Variants in P4HTM observed in about 807,000 individuals in gnomAD.
The protein encoded by P4HTM is prolyl 4-hydroxylase, transmembrane.
A neutral mutation model predicts 55.3 loss-of-function variants in P4HTM; 33 were observed. The ratio of observed to expected loss-of-function variants is 0.60; its 90% confidence interval spans 0.45 to 0.80. The LOEUF (loss-of-function observed/expected upper bound fraction) is 0.80. Ranked by LOEUF, P4HTM falls within the 30% of genes least tolerant of loss-of-function variation. The pLI is 0.00. For missense variants in P4HTM, 542 were observed against 696.5 expected (o/e 0.78, Z 2.50); for synonymous variants, 272 against 286.4 (o/e 0.95, Z 0.51).
At chr3:49,003,873 T>C in intron 4 of P4HTM, 2 of 518,056 alleles carry the variant, frequency 3.9e-6, no homozygotes, top group Admixed American at 3.6e-5. Context: ...AAATTAGGGC[T>C]TAAACTGAGA....
Position 49,004,610 on chromosome 3 carries a change from G to A in P4HTM, c.888-251G>A, listed in dbSNP as rs894551639. ...AGGGAGGAGGACCTCAGGACTCCCC[G>A]CCCCCTTTATTTAGTGGAAATGTCA... On this transcript the variant is annotated intron_variant, in intron 5 of 8. Transcript: ENST00000383729. 1.4e-5 allele frequency: 8 copies of A among 573,174 alleles called. No individual in the cohort carries two copies. In the Admixed American group the frequency reaches 1.6e-4, roughly 12 times the overall value. 35.5% of individuals were successfully genotyped at this position (573,174 alleles called of 1,614,324 possible).
intron 2 of P4HTM, chr3:48,992,146 A>T (rs2092932710): frequency 6.6e-6 from 1 of 152,214 alleles, no homozygotes; most frequent in South Asian, 2.1e-4. Context: ...CACAGCATTG[A>T]ACTAAATATA....
At chr3:48,992,696 T>C (rs1470368934) in intron 2 of P4HTM, among the ~76,000 whole-genome samples, 7 of 138,214 alleles carry the variant, frequency 5.1e-5, no homozygotes, top group Non-Finnish European at 1.5e-5. Flanking sequence ...ACTAAGTTTC[T>C]CTCTTGTTGT....
intron 8 of P4HTM, 27 bp downstream of exon 8, chr3:49,006,214 G>A: frequency 6.3e-7 from 1 of 1,599,160 alleles, no homozygotes; most frequent in African/African-American, 1.3e-5. Flanking sequence ...AGGCCTGGGG[G>A]GGGTGCCCTG....
At chr3:49,005,635 G>T (rs1271403928) in intron 6 of P4HTM, 142 bp from the exon 7 acceptor site, 1 of 1,426,636 alleles carries the variant, frequency 7.0e-7, no homozygotes, top group Admixed American at 2.7e-5. Flanking sequence ...GGACATTTTG[G>T]CACTGGCCTG....
At position 49,005,514 on chromosome 3, in the gene P4HTM, G is replaced by A. The variant is rs1049937493; in HGVS notation, c.1074-263G>A. The A allele has an allele frequency of 4.5e-6, 6 of 1,341,688 alleles. No individual in the cohort carries two copies. In the Admixed American group the frequency reaches 1.4e-4, roughly 32 times the overall value. The allele number at this position is 1,341,688 out of a possible 1,614,324, so 83.1% of individuals were successfully genotyped here. ...TGCTTCTGCTAGCCTACCTTTCCCT[G>A]CCAGGCCCTTGCTCAGGGCCATGGC... On this transcript the variant is annotated intron_variant, in intron 6 of 8. Coordinates refer to ENST00000383729, the MANE Select transcript of P4HTM (RefSeq NM_177939.3).
At chr3:49,003,833 TA>T (rs1419376791) in intron 4 of P4HTM, 2 of 417,716 alleles carry the variant, frequency 4.8e-6, no homozygotes, top group Non-Finnish European at 8.6e-6. Flanking sequence ...GCCACTCTAA[TA>T]GGGGGTGGGC....
Position 48,990,499 on chromosome 3 carries a change from C to T in P4HTM, c.243C>T (p.Phe81=), listed in dbSNP as rs1253834087. Residue 81 remains phenylalanine, a synonymous_variant, in exon 1 of 9, where the codon TTC becomes TTT. Transcript: ENST00000383729. The surrounding 1 kb of genome is among the most constrained non-coding windows in gnomAD (Gnocchi z 7.2). ...GTAACGTGCTGGCGCTGCTGCTCTTCGTGCACTACAGCAACGGCGACGAAA... is the reference window on the plus strand; with the variant it reads ...GTAACGTGCTGGCGCTGCTGCTCTTTGTGCACTACAGCAACGGCGACGAAA... The part of the protein sequence containing the change: ...YLGNVLALLL[F]VHYSNGDESS... The T allele has an allele frequency of 1.9e-6, 3 of 1,611,280 alleles. No individual in the cohort carries two copies. In the African/African-American group the frequency reaches 4.0e-5, roughly 22 times the overall value.
intron 4 of P4HTM, 26 bp from the exon 5 acceptor site, chr3:49,004,072 G>A: frequency 6.5e-7 from 1 of 1,545,382 alleles, no homozygotes; most frequent in East Asian, 2.4e-5. Context: ...GGCTTGGTGG[G>A]CATTGATGGT....
chr3:49,006,280 C>T, intron 8 of P4HTM, 93 bp downstream of exon 8: 1 of 1,423,218 alleles, frequency 7.0e-7, no homozygotes. Context: ...CTGTTTCTGG[C>T]TGCTTTCCAA....
At chr3:49,000,212 G>A (rs1031376150) in intron 2 of P4HTM, among the ~76,000 whole-genome samples, 1 of 152,250 alleles carries the variant, frequency 6.6e-6, no homozygotes, top group East Asian at 1.9e-4. Context: ...AGTGCCTTGG[G>A]CAGAGTCTGT....
At chr3:48,990,104 C>A, upstream of P4HTM, 3 of 649,510 alleles carry the variant, frequency 4.6e-6, no homozygotes, top group Non-Finnish European at 5.9e-6. The surrounding 1 kb of genome is among the most constrained non-coding windows in gnomAD (Gnocchi z 7.2). Context: ...GAGCCCGGCG[C>A]GGACGCAGGC....
At chr3:49,004,574 A>C (rs2092970950) in intron 5 of P4HTM, 3 of 554,624 alleles carry the variant, frequency 5.4e-6, no homozygotes, top group Non-Finnish European at 9.5e-6. Context: ...TTAAATAAAC[A>C]ACTTTCTTCC....
chr3:49,005,713 C>G, intron 6 of P4HTM, 64 bp from the exon 7 acceptor site: 3 of 1,521,152 alleles, frequency 2.0e-6, no homozygotes, highest in Non-Finnish European at 2.6e-6. Context: ...TTATCCTGCC[C>G]ACAGGTAAGC....
In P4HTM at chr3:49,005,868, G is replaced by GT. The variant is rs766434570; in HGVS notation, c.1164+2dup. Reference sequence around the variant, plus strand: ...AGATAACAGAACCTACGATGAAATGGTAAGGGTCAACTGGGCTATTACTCT... The same window carrying GT: ...AGATAACAGAACCTACGATGAAATGGTTAAGGGTCAACTGGGCTATTACTCT... On this transcript the variant is annotated splice_donor_variant, in intron 7 of 8. Transcript: ENST00000383729. LOFTEE classifies it high-confidence loss of function. 1.3e-6 allele frequency: 2 copies of GT among 1,545,218 alleles called. No individual in the cohort carries two copies. The highest frequency in any genetic ancestry group is 1.3e-5 in the South Asian group (1 of 79,814).
In P4HTM at chr3:49,005,759, G is replaced by GC. The variant is rs760453324; in HGVS notation, c.1074-11dup. ...ATCCACAACTGGGGACCTGCTCAGTGCCCCCCCTGCCTTACAGCTACATGA... is the reference window on the plus strand; with the variant it reads ...ATCCACAACTGGGGACCTGCTCAGTGCCCCCCCCTGCCTTACAGCTACATGA... On this transcript the variant is annotated splice_polypyrimidine_tract_variant and intron_variant, in intron 6 of 8. Coordinates refer to ENST00000383729, the MANE Select transcript of P4HTM (RefSeq NM_177939.3). 1.7e-5 allele frequency: 27 copies of GC among 1,590,838 alleles called. No individual in the cohort carries two copies. Among genetic ancestry groups the GC allele is most frequent in the African/African-American group, 2.7e-5 (2 of 73,948 alleles).
intron 2 of P4HTM, among the ~76,000 whole-genome samples, chr3:48,995,826 TC>T (rs2092943960): frequency 6.6e-6 from 1 of 152,106 alleles, no homozygotes; most frequent in South Asian, 2.1e-4. Context: ...CCTCAAGTAA[TC>T]CGCCTGCCTC....
intron 8 of P4HTM, among the ~76,000 whole-genome samples, chr3:49,006,402 C>CCCCA (rs757519182): frequency 1.6e-4 from 25 of 152,232 alleles, no homozygotes; most frequent in Non-Finnish European, 2.8e-4. Context: ...TTCCCTGATG[C>CCCCA]CCCAGCCTTC....
chr3:49,005,616 A>C (rs2092975782), intron 6 of P4HTM, 161 bp from the exon 7 acceptor site: 1 of 1,417,630 alleles, frequency 7.1e-7, no homozygotes, highest in South Asian at 1.8e-5. Flanking sequence ...TCGGGGAAGG[A>C]GGGGCTAGGG....
Sources: gnomAD v4.1 joint callset for allele counts (sites outside exome capture counted in the v4.1 genomes callset) on GRCh38, gnomAD v4.1.1 for gene constraint, Gnocchi (gnomAD v3.1) non-coding constraint, MANE v1.5 for transcripts, NCBI Gene and HGNC (gene_info 2026-07-23, HGNC 2026-07-21) for gene names.